Variants in TRPV1 observed in about 807,000 individuals in gnomAD.
The protein encoded by TRPV1 is transient receptor potential cation channel subfamily V member 1.
Under a neutral mutation model 82.3 loss-of-function variants are expected in TRPV1, and 82 were observed. The ratio of observed to expected loss-of-function variants is 1.00; its 90% CI spans 0.83 to 1.20. TRPV1 has a LOEUF of 1.20. Ranked by LOEUF, TRPV1 falls within the 50% of genes most tolerant of loss-of-function variation. The pLI is 0.00. For synonymous variants in TRPV1, 515 were observed against 467.7 expected (o/e 1.10, Z -1.30); for missense variants, 1,067 against 1,096.8 (o/e 0.97, Z 0.38).
intron 8 of TRPV1, 150 bp downstream of exon 8, chr17:3,588,038 A>G (rs1025344540): frequency 6.2e-6 from 5 of 810,552 alleles, no homozygotes; most frequent in Non-Finnish European, 9.5e-6. Flanking sequence ...TTCAGTGGGC[A>G]TGAGTGGGGA....
At position 3,566,585 on chromosome 17, in the gene TRPV1, C is replaced by A. The variant is rs2074765831; in HGVS notation, c.*230G>T. 1 of 480,700 alleles carries A rather than the reference C, an allele frequency of 2.1e-6. No individual in the cohort carries two copies. Among genetic ancestry groups the A allele is most frequent in the East Asian group, 3.3e-5 (1 of 30,396 alleles). 29.8% of individuals were successfully genotyped at this position (480,700 alleles called of 1,614,324 possible). A position where few individuals can be genotyped will look rare whatever the true frequency, so the allele number is the denominator to read the frequency against. On this transcript the variant is annotated 3_prime_UTR_variant, in exon 17 of 17. Transcript: ENST00000572705. ...ACTGTTTAGTAAAGTGAGTAAAAAC[C>A]TGAAAGTCTGTTAGGAGATTCACTT...
At chr17:3,605,805 C>G (rs536646720) in intron 2 of TRPV1, among the ~76,000 whole-genome samples, 1 of 152,106 alleles carries the variant, frequency 6.6e-6, no homozygotes, top group Non-Finnish European at 1.5e-5. Context: ...TGAGAGAACA[C>G]CCAGCTACTA....
Position 3,566,686 on chromosome 17 carries a change from T to A in TRPV1, c.*129A>T. ...TTCCCACAGCTTGTCCAGCACAGAT[T>A]TGGGAACATGCTGGGCAGGCACAGA... On this transcript the variant is annotated 3_prime_UTR_variant, in exon 17 of 17. Transcript: ENST00000572705. 1 of 1,164,800 alleles carries A rather than the reference T, an allele frequency of 8.6e-7. No homozygotes were observed. The allele number at this position is 1,164,800 out of a possible 1,614,324, so 72.2% of individuals were successfully genotyped here.
intron 16 of TRPV1, 56 bp from the exon 17 acceptor site, chr17:3,567,043 G>A: frequency 6.3e-7 from 1 of 1,582,798 alleles, no homozygotes; most frequent in Non-Finnish European, 8.6e-7. Flanking sequence ...TTCACTTCTT[G>A]GCCTCCCAAG....
At chr17:3,596,653 C>A (rs2075222444) in intron 2 of TRPV1, among the ~76,000 whole-genome samples, 2 of 152,222 alleles carry the variant, frequency 1.3e-5, no homozygotes, top group African/African-American at 2.4e-5. Flanking sequence ...ACCCCAGTAA[C>A]AACAACCTCC....
chr17:3,580,438 G>A lies in TRPV1; in HGVS notation c.1547+19C>T, dbSNP rs202144560. The A allele has an allele frequency of 1.2e-6, 2 of 1,613,354 alleles. No homozygotes were observed. Among genetic ancestry groups the A allele is most frequent in the Non-Finnish European group, 1.7e-6 (2 of 1,179,496 alleles). On this transcript the variant is annotated intron_variant, in intron 11 of 16. Coordinates refer to ENST00000572705, the MANE Select transcript of TRPV1 (RefSeq NM_080704.4). Reference sequence around the variant, plus strand: ...GTCACCTGGGGACTGGACTGGGAATGAGTCAAAGTGTCACTTACAAAAGCA... The same window carrying A: ...GTCACCTGGGGACTGGACTGGGAATAAGTCAAAGTGTCACTTACAAAAGCA...
At chr17:3,572,908 G>A (rs898152021) in intron 14 of TRPV1, among the ~76,000 whole-genome samples, 14 of 145,872 alleles carry the variant, frequency 9.6e-5, no homozygotes, top group African/African-American at 1.3e-4. Context: ...GCTTGAAGTC[G>A]GGAGGCAGAG....
intron 10 of TRPV1, among the ~76,000 whole-genome samples, chr17:3,581,751 G>GGT (rs1567664419): frequency 2.0e-5 from 3 of 146,468 alleles, no homozygotes; most frequent in Non-Finnish European, 4.5e-5. Flanking sequence ...CGGGCGCGGT[G>GGT]GCACGCACCT....
intron 13 of TRPV1, among the ~76,000 whole-genome samples, chr17:3,575,167 T>C (rs1351997841): frequency 7.9e-5 from 12 of 152,108 alleles, no homozygotes; most frequent in Admixed American, 7.9e-4. Flanking sequence ...AGGTAATAAA[T>C]GCAGAAGCAA....
intron 2 of TRPV1, chr17:3,595,689 C>T (rs2075213013): frequency 6.6e-6 from 1 of 152,264 alleles, no homozygotes; most frequent in South Asian, 2.1e-4. Flanking sequence ...TCCCATGAAC[C>T]TTTCGGCAAT....
At chr17:3,589,662 T>C in intron 7 of TRPV1, 145 bp downstream of exon 7, 2 of 1,034,686 alleles carry the variant, frequency 1.9e-6, no homozygotes, top group South Asian at 1.7e-5. Flanking sequence ...CTCAGACTTA[T>C]TCTAACAGCC....
At chr17:3,578,764 T>A (rs1048599326) in intron 11 of TRPV1, 1 of 152,178 alleles carries the variant, frequency 6.6e-6, no homozygotes, top group African/African-American at 2.4e-5. Flanking sequence ...TAGCAAAGCA[T>A]GGAATCAATC....
Position 3,566,755 on chromosome 17 carries a change from C to T in TRPV1, c.*60G>A. 1 of 1,571,736 alleles carries T rather than the reference C, an allele frequency of 6.4e-7. No individual in the cohort carries two copies. Among genetic ancestry groups the T allele is most frequent in the South Asian group, 1.2e-5 (1 of 84,662 alleles). On this transcript the variant is annotated 3_prime_UTR_variant, in exon 17 of 17. Coordinates refer to ENST00000572705, the MANE Select transcript of TRPV1 (RefSeq NM_080704.4). ...AGAGCACTGGTGTTCCCTCAGCAGC[C>T]CCCCGTGGCAACGGGGTCTCCTAAG...
At chr17:3,593,430 C>T (rs1163374463) in intron 2 of TRPV1, among the ~76,000 whole-genome samples, 1 of 152,152 alleles carries the variant, frequency 6.6e-6, no homozygotes, top group African/African-American at 2.4e-5. Context: ...CTATTTTCCA[C>T]TCCCATCCTG....
At position 3,573,968 on chromosome 17, in the gene TRPV1, G is replaced by A; in HGVS notation, c.1781-13C>T. On this transcript the variant is annotated splice_polypyrimidine_tract_variant and intron_variant, in intron 13 of 16. Transcript: ENST00000572705. ...AGCGTCACCACCGCTACAGGGCACA[G>A]GGAGGGCGGGGTGCCACTGGATAGA... 1 of 1,578,302 alleles carries A rather than the reference G, an allele frequency of 6.3e-7. No individual in the cohort carries two copies. The highest frequency in any genetic ancestry group is 8.6e-7 in the Non-Finnish European group (1 of 1,164,828).
rs1555549458 is a variant in TRPV1, at chr17:3,576,668, A to AATATATAT, written c.1780+450_1780+457dup. 1.1e-3 allele frequency among the ~76,000 whole-genome samples: 44 copies of AATATATAT among 38,366 alleles called. No homozygotes were observed. In the East Asian group the frequency reaches 0.012, roughly 11 times the overall value. The allele number at this position is 38,366 out of a possible 152,430, so 25.2% of individuals were successfully genotyped here. ...CTCTGTATGAGAAAAAAAAAAAAAA[A>AATATATAT]ATATATATATATATATATATATGCA... On this transcript the variant is annotated intron_variant, in intron 13 of 16. Coordinates refer to ENST00000572705, the MANE Select transcript of TRPV1 (RefSeq NM_080704.4).
intron 2 of TRPV1, among the ~76,000 whole-genome samples, chr17:3,600,971 C>T (rs1314193509): frequency 6.6e-6 from 1 of 152,164 alleles, no homozygotes; most frequent in Non-Finnish European, 1.5e-5. Context: ...CAGCCCTCTT[C>T]CCTGAGCTCC....
chr17:3,607,283 G>A (rs2075302164), intron 2 of TRPV1, among the ~76,000 whole-genome samples: 1 of 151,862 alleles, frequency 6.6e-6, no homozygotes, highest in Admixed American at 6.6e-5. Context: ...GGTGGAGGTT[G>A]CAGTGGGCTG....
Position 3,585,934 on chromosome 17 carries a change from G to C in TRPV1, c.1225-8C>G. On this transcript the variant is annotated splice_region_variant and splice_polypyrimidine_tract_variant and intron_variant, in intron 8 of 16. Transcript: ENST00000572705. ...GAGCATGTCGTGGCGATTCTAGGGG[G>C]TGGGGAGAGAAGTGAGGTTCCCTCC... The C allele has an allele frequency of 6.2e-7, 1 of 1,613,608 alleles. No individual in the cohort carries two copies. The highest frequency in any genetic ancestry group is 8.5e-7 in the Non-Finnish European group (1 of 1,179,718).
Sources: allele counts gnomAD v4.1 joint callset (sites outside exome capture counted in the v4.1 genomes callset), GRCh38; gene constraint gnomAD v4.1.1; transcripts MANE v1.5; gene names NCBI Gene and HGNC (gene_info 2026-07-23, HGNC 2026-07-21).